Variants in PPRC1 observed in about 807,000 individuals in gnomAD.
The protein encoded by PPRC1 is PPARG related coactivator 1.
PPRC1 carries 23 observed loss-of-function variants against 132.5 expected under a neutral mutation model. That is an observed-to-expected ratio of 0.17 (90% confidence interval 0.12 to 0.25). PPRC1 has a LOEUF of 0.25. PPRC1 is among the 10% of genes least tolerant of loss of function. The pLI is 1.00. For synonymous variants in PPRC1, 872 were observed against 833.5 expected (o/e 1.05, Z -0.80); for missense variants, 2,006 against 2,089.1 (o/e 0.96, Z 0.78).
At chr10:102,134,755 C>T (rs2068659995) in intron 1 of PPRC1, among the ~76,000 whole-genome samples, 1 of 152,202 alleles carries the variant, frequency 6.6e-6, no homozygotes, top group South Asian at 2.1e-4. Flanking sequence ...ATGCCCAGCT[C>T]TCTATGAACC....
the PPRC1 span, among the ~76,000 whole-genome samples, chr10:102,119,911 T>C: frequency 6.6e-6 from 1 of 151,176 alleles, no homozygotes; most frequent in Non-Finnish European, 1.5e-5. Context: ...TGCTGCGCAT[T>C]TACACAGTTG....
At position 102,140,071 on chromosome 10, in the gene PPRC1, C is replaced by A; in HGVS notation, c.1563C>A (p.Pro521=). 1 of 1,614,222 alleles carries A rather than the reference C, an allele frequency of 6.2e-7. No homozygotes were observed. The change falls in exon 5 of 14, where the codon CCC becomes CCA. Residue 521 remains proline, a synonymous_variant. Transcript: ENST00000278070. ...ESGPLQGKGK[P]RAWARAWAAA... is the part of the protein sequence containing the mutation. ...GGCCTCTCCAGGGTAAGGGGAAGCC[C>A]CGGGCTTGGGCTCGGGCCTGGGCAG...
the PPRC1 span, among the ~76,000 whole-genome samples, chr10:102,127,885 C>A: frequency 2.2e-4 from 34 of 151,968 alleles, no homozygotes; most frequent in Non-Finnish European, 4.9e-4. Flanking sequence ...ACAGGGGTTT[C>A]GCTATGTGTC....
intron 1 of PPRC1, among the ~76,000 whole-genome samples, chr10:102,137,172 C>T (rs2068757413): frequency 6.6e-6 from 1 of 152,136 alleles, no homozygotes; most frequent in African/African-American, 2.4e-5. Context: ...AACCCTGTCT[C>T]TACTAAAAAT....
At chr10:102,138,477 G>T in intron 2 of PPRC1, 142 bp from the exon 3 acceptor site, 1 of 1,008,700 alleles carries the variant, frequency 9.9e-7, no homozygotes. Context: ...TGGAATCCAT[G>T]CCTTCTGGTA....
At chr10:102,144,367 T>A in intron 7 of PPRC1, 60 bp downstream of exon 7, 1 of 1,507,542 alleles carries the variant, frequency 6.6e-7, no homozygotes, top group Non-Finnish European at 9.2e-7. Context: ...CGGCTGACAC[T>A]CCAGGACTGT....
At chr10:102,134,543 A>G (rs2068651646) in intron 1 of PPRC1, among the ~76,000 whole-genome samples, 1 of 152,164 alleles carries the variant, frequency 6.6e-6, no homozygotes, top group Non-Finnish European at 1.5e-5. Context: ...GTGTGTTACT[A>G]GGTGGGAGTT....
At position 102,147,381 on chromosome 10, in the gene PPRC1, G is replaced by C; in HGVS notation, c.4389G>C (p.Lys1463Asn). 2 of 1,603,052 alleles carry C rather than the reference G, an allele frequency of 1.2e-6. No individual in the cohort carries two copies. ...SRSRSLSPPH[K>N]RWRRSSCSSS... The stretch of plus-strand genomic sequence containing the variant: ...CCAGGTCCCTCTCCCCCCCACACAA[G>C]AGGTGGCGAAGGTGAGCTTTGATGG... The change falls in exon 9 of 14, where the codon AAG (lysine) becomes AAC (asparagine). Residue 1463 changes from lysine to asparagine, a missense_variant. This residue lies in a region of PPRC1 where 1,914 missense variants were observed against 1,917.2 expected (regional missense o/e 1.00). Coordinates refer to ENST00000278070, the MANE Select transcript of PPRC1 (RefSeq NM_015062.5).
At chr10:102,137,711 C>T in intron 1 of PPRC1, 139 bp from the exon 2 acceptor site, 2 of 749,226 alleles carry the variant, frequency 2.7e-6, no homozygotes, top group Non-Finnish European at 4.1e-6. Flanking sequence ...CTTCTCTCTG[C>T]TCTGCTAGCC....
chr10:102,129,664 C>T (rs533911487), upstream of PPRC1, among the ~76,000 whole-genome samples: 108 of 152,144 alleles, frequency 7.1e-4, no homozygotes, highest in African/African-American at 2.3e-3. Context: ...AGTGCAGCAG[C>T]GTGATCTTGG....
the PPRC1 span, among the ~76,000 whole-genome samples, chr10:102,121,519 A>C: frequency 6.6e-6 from 1 of 151,780 alleles, no homozygotes; most frequent in African/African-American, 2.4e-5. Flanking sequence ...GGACTCCCCA[A>C]CCCAGCCCTA....
rs760234947 is a variant in PPRC1 at position 102,147,285 on chromosome 10, C to T, written c.4293C>T (p.Ser1431=). The part of the protein sequence containing the change: ...GRRGRNSRSV[S]SGSNRTSEAS... ...GAGGCCGCAACAGCCGTTCTGTCAG[C>T]TCTGGGTCCAACCGGACTAGCGAAG... Residue 1431 remains serine (S), a synonymous_variant, in exon 9 of 14, where the codon AGC becomes AGT. Transcript: ENST00000278070. 1 of 1,613,054 alleles carries T rather than the reference C, an allele frequency of 6.2e-7. No homozygotes were observed. Among genetic ancestry groups the T allele is most frequent in the South Asian group, 1.1e-5 (1 of 91,092 alleles).
intron 5 of PPRC1, among the ~76,000 whole-genome samples, chr10:102,142,665 C>T (rs1236017834): frequency 6.6e-6 from 1 of 152,128 alleles, no homozygotes; most frequent in Non-Finnish European, 1.5e-5. Context: ...CCGCCTGCCT[C>T]AGCCTCCCAA....
intron 1 of PPRC1, among the ~76,000 whole-genome samples, chr10:102,136,657 C>T (rs769521916): frequency 3.3e-5 from 5 of 151,990 alleles, no homozygotes; most frequent in African/African-American, 4.8e-5. Flanking sequence ...TAAACTTCAT[C>T]GTTGGTATGT....
chr10:102,133,074 G>C lies in PPRC1; in HGVS notation c.6G>C (p.Ala2=). The C allele has an allele frequency of 1.6e-6, 2 of 1,242,116 alleles. No individual in the cohort carries two copies. The highest frequency in any genetic ancestry group is 8.2e-5 in the South Asian group (2 of 24,360). The allele number at this position is 1,242,116 out of a possible 1,614,324, so 76.9% of individuals were successfully genotyped here. M[A]ARRGRRDGVA... ...CTGGGTGTTCAGGGGCCAAGATGGCGGCGCGCCGGGGACGGAGAGACGGAG... is the reference window on the plus strand; with the variant it reads ...CTGGGTGTTCAGGGGCCAAGATGGCCGCGCGCCGGGGACGGAGAGACGGAG... Residue 2 remains alanine, a synonymous_variant, in exon 1 of 14, where the codon GCG becomes GCC. Transcript: ENST00000278070.
At chr10:102,145,139 A>T in intron 8 of PPRC1, 49 bp downstream of exon 8, 1 of 1,511,686 alleles carries the variant, frequency 6.6e-7, no homozygotes, top group Non-Finnish European at 9.2e-7. Context: ...ATGCAGCAAC[A>T]CTTGCTGAGC....
Position 102,146,920 on chromosome 10 carries a change from C to G in PPRC1, c.3928C>G (p.Pro1310Ala). 1.9e-6 allele frequency: 3 copies of G among 1,614,080 alleles called. No individual in the cohort carries two copies. Among genetic ancestry groups the G allele is most frequent in the East Asian group, 2.2e-5 (1 of 44,874 alleles). Residue 1310 changes from proline to alanine, a missense_variant, in exon 9 of 14, where the codon CCT becomes GCT. Pro to Ala is a conservative substitution (Grantham distance 27). Around this residue, in one of 2 missense-constraint regions of PPRC1, gnomAD observed 1,914 missense variants for 1,917.2 expected, o/e 1.00. Transcript: ENST00000278070. ...VRSRTPPKKM[P>A]ALVIPEVGSR... is the part of the protein sequence containing the mutation. ...GAGCAGGACCCCCCCAAAAAAGATG[C>G]CTGCCCTAGTCATTCCAGAGGTGGG...
chr10:102,127,589 G>T, the PPRC1 span, among the ~76,000 whole-genome samples: 3 of 151,714 alleles, frequency 2.0e-5, no homozygotes, highest in African/African-American at 7.3e-5. Context: ...TGTATTTTTA[G>T]TAGAGACGGG....
chr10:102,142,988 C>T (rs2069062221), intron 5 of PPRC1, 57 bp from the exon 6 acceptor site: 11 of 1,479,696 alleles, frequency 7.4e-6, no homozygotes, highest in Admixed American at 1.7e-5. Context: ...CTTCCTGGGA[C>T]CTGTGTACTA....
Sources: allele counts gnomAD v4.1 joint callset (sites outside exome capture counted in the v4.1 genomes callset), GRCh38; gene constraint gnomAD v4.1.1; regional missense constraint gnomAD v4.1.1; transcripts MANE v1.5; gene names NCBI Gene and HGNC (gene_info 2026-07-23, HGNC 2026-07-21).